MYO16: variants seen among roughly 807,000 people sequenced by gnomAD.
MYO16 encodes myosin XVI, also known as unconventional myosin-XVI.
A neutral mutation model predicts 205.3 loss-of-function variants in MYO16; 94 were observed. The ratio of observed to expected loss-of-function variants is 0.46; its 90% confidence interval spans 0.39 to 0.54. The LOEUF (loss-of-function observed/expected upper bound fraction) is 0.54, where lower values mean the gene tolerates loss of function less well. Ranked by LOEUF, MYO16 falls within the 20% of genes least tolerant of loss-of-function variation. MYO16 has a pLI of 0.00. For missense variants in MYO16, 2,315 were observed against 2,387.5 expected, an observed-to-expected ratio of 0.97 and a Z score of 0.63; for synonymous variants, 988 against 954.0, an observed-to-expected ratio of 1.04 and a Z score of -0.66.
upstream of MYO16, among the ~76,000 whole-genome samples, chr13:108,625,800 G>A (rs186011207): frequency 1.7e-4 from 26 of 152,276 alleles, no homozygotes; most frequent in Non-Finnish European, 2.4e-4. Flanking sequence ...CTGTTAATAC[G>A]TACCTTTCCC....
At chr13:109,155,525 GTTTCT>G in intron 32 of MYO16, among the ~76,000 whole-genome samples, 1 of 152,218 alleles carries the variant, frequency 6.6e-6, no homozygotes, top group East Asian at 1.9e-4. Flanking sequence ...GTATTTTTCT[GTTTCT>G]TAAGTAATCA....
In MYO16 at chr13:108,634,032, C is replaced by A. The variant is rs193093079; in HGVS notation, c.28+4160C>A. ...CCCAAGGTGGAACCCCCCTTTCCAG[C>A]ATGTCTGTCCTTGCCCCAGAGGAGC... is the stretch of plus-strand genomic sequence containing the variant. On this transcript the variant is annotated intron_variant, in intron 1 of 34. Transcript: ENST00000457511. Among the ~76,000 whole-genome samples the A allele has an allele frequency of 9.7e-4, 148 of 152,276 alleles. No homozygotes were observed. In the Middle Eastern group the frequency reaches 0.017, roughly 17 times the overall value.
At chr13:108,901,621 T>C (rs1334035313) in intron 15 of MYO16, among the ~76,000 whole-genome samples, 1 of 152,186 alleles carries the variant, frequency 6.6e-6, no homozygotes, top group East Asian at 1.9e-4. Flanking sequence ...ACAGGCATGC[T>C]CCACCTTTCT....
chr13:108,984,071 A>G (rs1884544444), intron 20 of MYO16, among the ~76,000 whole-genome samples: 1 of 152,196 alleles, frequency 6.6e-6, no homozygotes, highest in Non-Finnish European at 1.5e-5. Flanking sequence ...CAGCTGTACA[A>G]AGTCTTCACT....
the MYO16 span, among the ~76,000 whole-genome samples, chr13:108,527,440 A>C: frequency 6.6e-6 from 1 of 152,162 alleles, no homozygotes; most frequent in Non-Finnish European, 1.5e-5. Context: ...AACAGCCTCC[A>C]AATTATTTGC....
upstream of MYO16, among the ~76,000 whole-genome samples, chr13:108,595,881 C>CTT (rs67620613): frequency 0.38 from 40,572 of 108,156 alleles, 8,806 homozygotes; most frequent in Non-Finnish European, 0.44. Flanking sequence ...AAATTAAGTC[C>CTT]TTTTTTTTTT....
intron 13 of MYO16, among the ~76,000 whole-genome samples, chr13:108,885,108 G>C (rs1189595924): frequency 1.3e-5 from 2 of 152,236 alleles, no homozygotes; most frequent in African/African-American, 2.4e-5. Context: ...AAGGCACCAA[G>C]GCAGGGGCTT....
chr13:108,517,627 A>G, the MYO16 span, among the ~76,000 whole-genome samples: 63 of 152,352 alleles, frequency 4.1e-4, no homozygotes, highest in African/African-American at 1.4e-3. Flanking sequence ...TCCCAAGTTC[A>G]TGATTTTACT....
chr13:108,660,395 T>C (rs1198877407), intron 1 of MYO16, among the ~76,000 whole-genome samples: 1 of 152,176 alleles, frequency 6.6e-6, no homozygotes, highest in African/African-American at 2.4e-5. Flanking sequence ...CCCACTATCA[T>C]TGTGTTGCTG....
chr13:108,747,348 C>T (rs183107208), intron 4 of MYO16, among the ~76,000 whole-genome samples: 13 of 152,098 alleles, frequency 8.5e-5, no homozygotes, highest in African/African-American at 1.9e-4. Context: ...GTTATTATAG[C>T]GTAAGGATAA....
At chr13:108,749,458 A>G (rs181165790) in intron 4 of MYO16, among the ~76,000 whole-genome samples, 3 of 152,306 alleles carry the variant, frequency 2.0e-5, no homozygotes, top group Middle Eastern at 3.4e-3. Context: ...TGGGCAAAAG[A>G]TCTTAACAGA....
At chr13:108,667,528 A>G (rs570243945) in intron 2 of MYO16, among the ~76,000 whole-genome samples, 103 of 152,208 alleles carry the variant, frequency 6.8e-4, no homozygotes, top group African/African-American at 2.4e-3. Context: ...TGTTCATTGA[A>G]TGGCCATCTC....
intron 34 of MYO16, among the ~76,000 whole-genome samples, chr13:109,203,042 C>A: frequency 6.6e-6 from 1 of 152,188 alleles, no homozygotes; most frequent in East Asian, 1.9e-4. Flanking sequence ...ATTCAAAAAT[C>A]AACTCCAGAT....
At chr13:108,518,738 G>A in the MYO16 span, among the ~76,000 whole-genome samples, 1 of 152,076 alleles carries the variant, frequency 6.6e-6, no homozygotes, top group Non-Finnish European at 1.5e-5. Context: ...AAAAATGTTG[G>A]GCAAAATCAC....
At chr13:109,149,090 C>T (rs1199554553) in intron 32 of MYO16, among the ~76,000 whole-genome samples, 1 of 152,186 alleles carries the variant, frequency 6.6e-6, no homozygotes, top group East Asian at 1.9e-4. Flanking sequence ...TCTGAATTAT[C>T]TCCATTGTTT....
At chr13:108,938,683 C>A (rs1820315095) in intron 16 of MYO16, among the ~76,000 whole-genome samples, 1 of 152,038 alleles carries the variant, frequency 6.6e-6, no homozygotes, top group African/African-American at 2.4e-5. Context: ...ATTCTCCAGG[C>A]AAGCAGGTGC....
the MYO16 span, among the ~76,000 whole-genome samples, chr13:108,496,890 G>A: frequency 7.3e-6 from 1 of 136,962 alleles, no homozygotes; most frequent in East Asian, 2.0e-4. Flanking sequence ...GAGTAAATGA[G>A]CAGAGGGCTG....
At chr13:108,845,292 C>T (rs148786821) in intron 10 of MYO16, among the ~76,000 whole-genome samples, 7 of 152,174 alleles carry the variant, frequency 4.6e-5, no homozygotes, top group African/African-American at 1.4e-4. Flanking sequence ...TAAATTTTAG[C>T]AGGTGTATTC....
At chr13:109,149,019 A>C (rs1877497728) in intron 32 of MYO16, among the ~76,000 whole-genome samples, 1 of 152,188 alleles carries the variant, frequency 6.6e-6, no homozygotes, top group Non-Finnish European at 1.5e-5. Context: ...CTTTCCTTGC[A>C]TGGAATCAGA....
Sources: allele counts gnomAD v4.1 joint callset (sites outside exome capture counted in the v4.1 genomes callset), GRCh38; gene constraint gnomAD v4.1.1; transcripts MANE v1.5; gene names NCBI Gene and HGNC (gene_info 2026-07-23, HGNC 2026-07-21).